The following TRIM34 variants were observed in gnomAD, a reference collection of about 807,000 sequenced individuals.
TRIM34 encodes E3 ubiquitin-protein ligase TRIM34.
Under a neutral mutation model 38.1 loss-of-function variants are expected in TRIM34, and 41 were observed. The ratio of observed to expected loss-of-function variants is 1.08; its 90% confidence interval spans 0.84 to 1.40. The LOEUF (loss-of-function observed/expected upper bound fraction) is 1.40. Ranked by LOEUF, TRIM34 falls within the 40% of genes most tolerant of loss-of-function variation. TRIM34 has a pLI of 0.00. For missense variants in TRIM34, 556 were observed against 571.4 expected, an observed-to-expected ratio of 0.97 and a Z score of 0.27; for synonymous variants, 200 against 202.5, an observed-to-expected ratio of 0.99 and a Z score of 0.10.
At chr11:5,628,475 A>T (rs1008296734) in intron 1 of TRIM34, among the ~76,000 whole-genome samples, 6 of 152,184 alleles carry the variant, frequency 3.9e-5, no homozygotes, top group Non-Finnish European at 8.8e-5. Flanking sequence ...TAGTATCTGT[A>T]CCATTGGCTG....
intron 7 of TRIM34, 30 bp from the exon 8 acceptor site, chr11:5,643,114 C>CATATATATAT (rs113128572): frequency 1.4e-5 from 7 of 492,976 alleles, no homozygotes; most frequent in South Asian, 1.5e-4. Flanking sequence ...TATTCATATA[C>CATATATATAT]ATATATATAT....
At chr11:5,634,162 C>G (rs929004430) in intron 3 of TRIM34, among the ~76,000 whole-genome samples, 3 of 152,100 alleles carry the variant, frequency 2.0e-5, no homozygotes, top group African/African-American at 7.2e-5. Flanking sequence ...TCTTTTCCAA[C>G]GGGGCTCTAC....
chr11:5,641,044 G>T, intron 4 of TRIM34, 123 bp from the exon 5 acceptor site: 2 of 1,343,460 alleles, frequency 1.5e-6, no homozygotes, highest in South Asian at 1.9e-5. Context: ...TGCCAATTTT[G>T]TTGACATTTT....
intron 3 of TRIM34, 99 bp from the exon 4 acceptor site, chr11:5,634,514 CACACACACACACACACAT>C: frequency 1.1e-5 from 6 of 547,136 alleles, no homozygotes; most frequent in South Asian, 4.6e-5. Context: ...CACACACACA[CACACACACACACACACAT>C]ATATATATAT....
intron 4 of TRIM34, among the ~76,000 whole-genome samples, chr11:5,635,638 T>C (rs573372023): frequency 6.6e-6 from 1 of 152,274 alleles, no homozygotes; most frequent in Non-Finnish European, 1.5e-5. Flanking sequence ...AGACAGACAG[T>C]GCTCTCCTTT....
At position 5,642,968 on chromosome 11, in the gene TRIM34, C is replaced by T. The variant is rs902211185; in HGVS notation, c.901+125C>T. ...CACCTCCCAAAACATTTGCTAAATA[C>T]ATTTCTCCAGTGTTTTACCCCTCCA... is the stretch of plus-strand genomic sequence containing the variant. On this transcript the variant is annotated intron_variant, in intron 7 of 7. Coordinates refer to ENST00000429814, the MANE Select transcript of TRIM34 (RefSeq NM_021616.6). 11 of 1,431,780 alleles carry T rather than the reference C, an allele frequency of 7.7e-6. No homozygotes were observed. The African/African-American group carries it at 1.3e-4, about 17-fold the overall frequency. The allele number at this position is 1,431,780 out of a possible 1,614,324, so 88.7% of individuals were successfully genotyped here.
intron 1 of TRIM34, among the ~76,000 whole-genome samples, chr11:5,626,305 G>C (rs764339559): frequency 6.6e-6 from 1 of 152,182 alleles, no homozygotes; most frequent in Non-Finnish European, 1.5e-5. Context: ...AGTGATCATA[G>C]ACCATATCGA....
Position 5,643,311 on chromosome 11 carries a change from A to C in TRIM34, c.1069A>C (p.Lys357Gln), listed in dbSNP as rs753048481. ...GKHYWEVDVS[K>Q]KTAWILGVYC... ...ACATTACTGGGAAGTGGACGTGTCC[A>C]AGAAAACTGCCTGGATCCTGGGGGT... Residue 357 changes from lysine to glutamine, a missense_variant, in exon 8 of 8, where the codon AAG becomes CAG. Transcript: ENST00000429814. 7 of 1,613,952 alleles carry C rather than the reference A, an allele frequency of 4.3e-6. No homozygotes were observed. The African/African-American group carries it at 8.0e-5, about 18-fold the overall frequency.
intron 4 of TRIM34, among the ~76,000 whole-genome samples, chr11:5,640,429 A>G (rs1849957384): frequency 6.6e-6 from 1 of 151,904 alleles, no homozygotes; most frequent in Non-Finnish European, 1.5e-5. Flanking sequence ...AATATGGTAT[A>G]TTACATCAAT....
chr11:5,627,494 GA>G (rs1230169915), intron 1 of TRIM34, among the ~76,000 whole-genome samples: 1 of 151,780 alleles, frequency 6.6e-6, no homozygotes, highest in East Asian at 1.9e-4. Flanking sequence ...AAACTAATTT[GA>G]AAAAAAACTC....
At chr11:5,635,605 G>A (rs982476685) in intron 4 of TRIM34, among the ~76,000 whole-genome samples, 2 of 152,056 alleles carry the variant, frequency 1.3e-5, no homozygotes, top group African/African-American at 4.8e-5. Flanking sequence ...GAGCCTTTTG[G>A]GGAGAAAGAT....
chr11:5,625,674 C>T (rs6578668), intron 1 of TRIM34, among the ~76,000 whole-genome samples: 90,628 of 151,982 alleles, frequency 0.6, 27,436 homozygotes, highest in East Asian at 0.92. Context: ...ATGTGACTGC[C>T]GCACACCGCT....
intron 4 of TRIM34, among the ~76,000 whole-genome samples, chr11:5,640,302 A>G (rs1441254134): frequency 6.6e-6 from 1 of 151,886 alleles, no homozygotes. Context: ...TTCTATTCCA[A>G]GTTTGTTACC....
upstream of TRIM34, among the ~76,000 whole-genome samples, chr11:5,621,128 C>G (rs1848980480): frequency 6.6e-6 from 1 of 152,198 alleles, no homozygotes; most frequent in Admixed American, 6.5e-5. Context: ...TATCCATTTT[C>G]CTTTAACCCC....
chr11:5,622,444 C>CAAA (rs58936463), upstream of TRIM34, among the ~76,000 whole-genome samples: 2 of 116,416 alleles, frequency 1.7e-5, no homozygotes, highest in African/African-American at 6.5e-5. Context: ...GACTACCTCT[C>CAAA]AAAAAAAAAA....
chr11:5,631,810 G>A (rs1237753825), intron 1 of TRIM34, among the ~76,000 whole-genome samples: 1 of 152,148 alleles, frequency 6.6e-6, no homozygotes, highest in Non-Finnish European at 1.5e-5. Context: ...TCTAAACACT[G>A]AGGCTATAGC....
chr11:5,634,955 T>G, intron 4 of TRIM34, 94 bp downstream of exon 4: 1 of 1,411,108 alleles, frequency 7.1e-7, no homozygotes, highest in South Asian at 1.4e-5. Flanking sequence ...GGGGTTTCTT[T>G]GGCCTTGCAG....
chr11:5,634,799 G>A lies in TRIM34; in HGVS notation c.688G>A (p.Val230Met), dbSNP rs1197058038. 6.2e-7 allele frequency: 1 copy of A among 1,613,744 alleles called. No individual in the cohort carries two copies. The highest frequency in any genetic ancestry group is 8.5e-7 in the Non-Finnish European group (1 of 1,179,846). ...TGAGCTAGTTCAGCAGAAGCAGTTG[G>A]TGAGAGAGCTCATCTCAGATGTGGA... is the stretch of plus-strand genomic sequence containing the variant. ...EDELVQQKQLVRELISDVECR... is the reference protein window; with the variant it reads ...EDELVQQKQLMRELISDVECR... Residue 230 changes from valine (V) to methionine (M), a missense_variant, in exon 4 of 8, where the codon GTG becomes ATG. Val to Met is a conservative substitution (Grantham distance 21). Transcript: ENST00000429814.
chr11:5,632,595 A>G lies in TRIM34; in HGVS notation c.264A>G (p.Pro88=), dbSNP rs758686086. 7 of 1,613,776 alleles carry G rather than the reference A, an allele frequency of 4.3e-6. No homozygotes were observed. Among genetic ancestry groups the G allele is most frequent in the Non-Finnish European group, 4.2e-6 (5 of 1,179,924 alleles). The change falls in exon 2 of 8, where the codon CCA becomes CCG. Residue 88 remains proline (P), a synonymous_variant. Transcript: ENST00000429814. ...GACTCAAGGAGGTCAAGTTGAGCCCAGACAATGGGAAGAAGAGAGATCTCT... is the reference window on the plus strand; with the variant it reads ...GACTCAAGGAGGTCAAGTTGAGCCCGGACAATGGGAAGAAGAGAGATCTCT... ...VERLKEVKLS[P]DNGKKRDLCD...
Sources: allele counts gnomAD v4.1 joint callset (sites outside exome capture counted in the v4.1 genomes callset), GRCh38; gene constraint gnomAD v4.1.1; transcripts MANE v1.5; gene names NCBI Gene and HGNC (gene_info 2026-07-23, HGNC 2026-07-21).